Variants in COA1 observed in about 807,000 individuals in gnomAD.
COA1 encodes the protein cytochrome c oxidase assembly factor 1, also known as cytochrome c oxidase assembly factor 1 homolog.
Under a neutral mutation model 16.0 loss-of-function variants are expected in COA1, and 13 were observed. The observed-to-expected ratio is 0.81, with a 90% CI of 0.53 to 1.29. The LOEUF is 1.29. Ranked by LOEUF, COA1 falls within the 50% of genes most tolerant of loss-of-function variation. COA1 has a pLI of 0.00. For synonymous variants in COA1, 65 were observed against 65.7 expected, an observed-to-expected ratio of 0.99 and a Z score of 0.05; for missense variants, 179 against 177.0, an observed-to-expected ratio of 1.01 and a Z score of -0.06.
intron 1 of COA1, among the ~76,000 whole-genome samples, chr7:43,724,497 G>A (rs1012677644): frequency 7.9e-5 from 12 of 151,366 alleles, no homozygotes; most frequent in African/African-American, 2.7e-4. Context: ...GTTGCAGTGA[G>A]CCAAGATCAC....
chr7:43,708,802 C>T (rs902420447), intron 1 of COA1, among the ~76,000 whole-genome samples: 1 of 152,028 alleles, frequency 6.6e-6, no homozygotes, highest in Non-Finnish European at 1.5e-5. Flanking sequence ...GTAGTCCTTC[C>T]CATATCCTAT....
intron 1 of COA1, among the ~76,000 whole-genome samples, chr7:43,681,019 T>C (rs2093746097): frequency 6.6e-6 from 1 of 152,212 alleles, no homozygotes; most frequent in South Asian, 2.1e-4. Context: ...TCTGCTTTTA[T>C]ATTTTGCTTC....
chr7:43,721,327 T>C (rs903763664), intron 1 of COA1, among the ~76,000 whole-genome samples: 1 of 152,238 alleles, frequency 6.6e-6, no homozygotes, highest in Non-Finnish European at 1.5e-5. Context: ...ATGTAAAAAA[T>C]GTACAGCAAT....
intron 1 of COA1, among the ~76,000 whole-genome samples, chr7:43,691,315 A>G (rs1335039956): frequency 3.0e-5 from 3 of 100,912 alleles, no homozygotes; most frequent in Admixed American, 1.0e-4. Context: ...GAAAGAAAGA[A>G]AGAAAGAAAG....
chr7:43,634,684 C>T (rs1257571234), downstream of COA1, among the ~76,000 whole-genome samples: 1 of 152,176 alleles, frequency 6.6e-6, no homozygotes, highest in Non-Finnish European at 1.5e-5. Context: ...TTGGCTTTTG[C>T]TGATGAGGCT....
At chr7:43,709,389 T>G (rs2095128414) in intron 1 of COA1, among the ~76,000 whole-genome samples, 1 of 151,912 alleles carries the variant, frequency 6.6e-6, no homozygotes, top group South Asian at 2.1e-4. Flanking sequence ...TGAGAATTCA[T>G]TTGGGGTGTA....
At chr7:43,617,904 G>C (rs953879652) in intron 6 of COA1, among the ~76,000 whole-genome samples, 2 of 152,218 alleles carry the variant, frequency 1.3e-5, no homozygotes, top group Admixed American at 1.3e-4. Flanking sequence ...AGCCAGGACA[G>C]TGTTTTGTCA....
intron 4 of COA1, among the ~76,000 whole-genome samples, chr7:43,644,711 T>TAGAC (rs1563226844): frequency 4.4e-4 from 3 of 6,776 alleles, no homozygotes; most frequent in Non-Finnish European, 6.5e-4. Flanking sequence ...ATAGATAGAT[T>TAGAC]AGATAGATAG....
intron 1 of COA1, among the ~76,000 whole-genome samples, chr7:43,700,618 G>GTGTC (rs1309091455): frequency 6.6e-6 from 1 of 151,086 alleles, no homozygotes; most frequent in African/African-American, 2.4e-5. Context: ...GTGTGTGTGT[G>GTGTC]TTAGAGTAAG....
At chr7:43,694,668 T>G (rs1391659873) in intron 1 of COA1, among the ~76,000 whole-genome samples, 2 of 152,194 alleles carry the variant, frequency 1.3e-5, no homozygotes, top group Non-Finnish European at 2.9e-5. Context: ...TCCTCCCAAC[T>G]CTAAACACTG....
chr7:43,669,087 T>C (rs557095180), intron 1 of COA1, among the ~76,000 whole-genome samples: 1 of 152,232 alleles, frequency 6.6e-6, no homozygotes, highest in South Asian at 2.1e-4. Flanking sequence ...GACCCTTAGA[T>C]CAACCCCAGG....
At chr7:43,619,150 G>C (rs556980359) in intron 6 of COA1, among the ~76,000 whole-genome samples, 2 of 152,322 alleles carry the variant, frequency 1.3e-5, no homozygotes, top group South Asian at 4.1e-4. Flanking sequence ...GATTTGGTGG[G>C]TCTTTGATTA....
intron 1 of COA1, among the ~76,000 whole-genome samples, chr7:43,676,466 G>A (rs1356716215): frequency 1.3e-5 from 2 of 152,132 alleles, no homozygotes; most frequent in Non-Finnish European, 2.9e-5. Context: ...GATGGAACTA[G>A]AAGACATTAA....
chr7:43,618,510 G>A (rs1173920422), intron 6 of COA1, among the ~76,000 whole-genome samples: 2 of 152,154 alleles, frequency 1.3e-5, no homozygotes, highest in Non-Finnish European at 2.9e-5. Context: ...CTGGGTGTTA[G>A]AGTGAAGTAT....
intron 6 of COA1, among the ~76,000 whole-genome samples, chr7:43,630,511 GAT>G (rs1427715178): frequency 2.0e-5 from 3 of 152,148 alleles, no homozygotes; most frequent in African/African-American, 7.2e-5. Flanking sequence ...TTTGGGAAGA[GAT>G]ATGTTTAATC....
At chr7:43,721,114 C>T (rs13240269) in intron 1 of COA1, among the ~76,000 whole-genome samples, 22,385 of 152,194 alleles carry the variant, frequency 0.15, 2,195 homozygotes, top group Non-Finnish European at 0.22. Flanking sequence ...GAGTTATTCC[C>T]GCTACAAAGG....
At chr7:43,711,535 T>C (rs1404955105) in intron 1 of COA1, 1 of 152,190 alleles carries the variant, frequency 6.6e-6, no homozygotes, top group Non-Finnish European at 1.5e-5. Flanking sequence ...TTTAAAAAGT[T>C]TGTATTTTCA....
chr7:43,709,437 TGTG>T (rs2095134265), intron 1 of COA1, among the ~76,000 whole-genome samples: 2 of 105,728 alleles, frequency 1.9e-5, no homozygotes, highest in African/African-American at 1.0e-4. Context: ...TGTTTTATTG[TGTG>T]TGTGTGTGTG....
chr7:43,657,850 T>C (rs2091944960), intron 1 of COA1, among the ~76,000 whole-genome samples: 2 of 151,994 alleles, frequency 1.3e-5, no homozygotes, highest in Non-Finnish European at 1.5e-5. Flanking sequence ...TGGGCAAAAA[T>C]GCTGAACAAA....
Sources: allele counts gnomAD v4.1 joint callset (sites outside exome capture counted in the v4.1 genomes callset), GRCh38; gene constraint gnomAD v4.1.1; transcripts MANE v1.5; gene names NCBI Gene and HGNC (gene_info 2026-07-23, HGNC 2026-07-21).